TIE1: variants seen among roughly 807,000 people sequenced by gnomAD.
TIE1 encodes the protein tyrosine-protein kinase receptor Tie-1.
Under a neutral mutation model 130.5 loss-of-function variants are expected in TIE1, and 89 were observed. The ratio of observed to expected loss-of-function variants is 0.68; its 90% CI spans 0.57 to 0.81. The LOEUF (loss-of-function observed/expected upper bound fraction) is 0.81, where lower values mean the gene tolerates loss of function less well. TIE1 is among the 40% of genes least tolerant of loss of function. The pLI, the probability that TIE1 is intolerant of heterozygous loss-of-function variation, is 0.00. For synonymous variants in TIE1, 568 were observed against 629.4 expected (o/e 0.90, Z 1.46); for missense variants, 1,392 against 1,559.8 (o/e 0.89, Z 1.81).
chr1:43,304,539 C>T (rs1292239533), intron 1 of TIE1, among the ~76,000 whole-genome samples: 4 of 152,162 alleles, frequency 2.6e-5, no homozygotes, highest in Non-Finnish European at 4.4e-5. Context: ...GAAAGGGAAG[C>T]CATCTGGCAG....
Position 43,315,578 on chromosome 1 carries a change from C to T in TIE1, c.2409+1610C>T, listed in dbSNP as rs118090557. On this transcript the variant is annotated intron_variant, in intron 14 of 22. Coordinates refer to ENST00000372476, the MANE Select transcript of TIE1 (RefSeq NM_005424.5). This position sits in a 1 kb window ranked among gnomAD's most constrained non-coding sequence, Gnocchi z 4.4. Reference sequence around the variant, plus strand: ...CTGAGGCAGGAGAACTGCTTGAACCCGGATGGCAGAGGTTGCAGTGAGCCA... The same window carrying T: ...CTGAGGCAGGAGAACTGCTTGAACCTGGATGGCAGAGGTTGCAGTGAGCCA... Among the ~76,000 whole-genome samples the T allele has an allele frequency of 1.1e-3, 162 of 152,096 alleles. No individual in the cohort carries two copies. The East Asian group carries it at 0.024, about 23-fold the overall frequency.
Position 43,314,053 on chromosome 1 carries a change from T to TTGTGTG in TIE1, c.2409+103_2409+108dup, listed in dbSNP as rs138876276. The TTGTGTG allele has an allele frequency of 4.0e-4, 494 of 1,243,626 alleles. 1 individual carries two copies. The African/African-American group carries it at 6.2e-3, about 16-fold the overall frequency. 77.0% of individuals were successfully genotyped at this position (1,243,626 alleles called of 1,614,324 possible). A position where few individuals can be genotyped will look rare whatever the true frequency, so the allele number is the denominator to read the frequency against. Reference sequence around the variant, plus strand: ...GTGTACACACAATACCTTGTACACCTTGTGTGTGTGTGTGTGTGTGTGTTT... The same window carrying TTGTGTG: ...GTGTACACACAATACCTTGTACACCTTGTGTGTGTGTGTGTGTGTGTGTGTGTGTTT... On this transcript the variant is annotated intron_variant, in intron 14 of 22. Transcript: ENST00000372476.
intron 9 of TIE1, among the ~76,000 whole-genome samples, chr1:43,310,701 C>T (rs754884398): frequency 2.6e-5 from 4 of 152,008 alleles, no homozygotes; most frequent in South Asian, 4.2e-4. Flanking sequence ...CTGTATGATT[C>T]GGAGGCCCAT....
intron 1 of TIE1, 44 bp downstream of exon 1, chr1:43,301,173 G>A: frequency 6.3e-7 from 1 of 1,592,552 alleles, no homozygotes; most frequent in Non-Finnish European, 8.6e-7. Context: ...AGGCCCCGAG[G>A]CCCTGATTTC....
In TIE1 at chr1:43,307,199, A is replaced by C; in HGVS notation, c.698A>C (p.His233Pro). ...ACCAAGGAGTGCCCAGGTTGCCTAC[A>C]TGGAGGTGTCTGCCACGACCATGAC... The part of the protein sequence containing the change: ...GCTKECPGCL[H>P]GGVCHDHDGE... Residue 233 changes from histidine to proline, a missense_variant, in exon 5 of 23, where the codon CAT becomes CCT. Physicochemically the swap from His to Pro is moderately conservative, Grantham distance 77. Transcript: ENST00000372476. The surrounding 1 kb of genome is among the most constrained non-coding windows in gnomAD (Gnocchi z 5.4). 6.2e-7 allele frequency: 1 copy of C among 1,614,112 alleles called. No homozygotes were observed. The highest frequency in any genetic ancestry group is 8.5e-7 in the Non-Finnish European group (1 of 1,179,990).
chr1:43,305,193 C>A (rs775290031), intron 2 of TIE1, 28 bp downstream of exon 2: 1 of 1,613,768 alleles, frequency 6.2e-7, no homozygotes, highest in South Asian at 1.1e-5. Context: ...GGGGATGGCG[C>A]GGGGAAAACC....
chr1:43,321,741 G>C (rs371809864), intron 22 of TIE1, 26 bp downstream of exon 22: 2 of 1,549,126 alleles, frequency 1.3e-6, no homozygotes, highest in South Asian at 1.2e-5. Context: ...CTGAGGTGGC[G>C]GGCTGGGCTC....
At position 43,305,147 on chromosome 1, in the gene TIE1, G is replaced by A. The variant is rs781750183; in HGVS notation, c.355G>A (p.Val119Met). Residue 119 changes from valine (V) to methionine (M), a missense_variant, in exon 2 of 23, where the codon GTG becomes ATG. Physicochemically the swap from Val to Met is conservative, Grantham distance 21. Coordinates refer to ENST00000372476, the MANE Select transcript of TIE1 (RefSeq NM_005424.5). Reference sequence around the variant, plus strand: ...GGCGCGGCGCACGCGCGTCATCTACGTGCACAACAGCCCTGGAGGTGAGTT... The same window carrying A: ...GGCGCGGCGCACGCGCGTCATCTACATGCACAACAGCCCTGGAGGTGAGTT... Reference protein sequence around the residue: ...AGARRTRVIYVHNSPGAHLLP... With the variant: ...AGARRTRVIYMHNSPGAHLLP... 3 of 1,613,984 alleles carry A rather than the reference G, an allele frequency of 1.9e-6. No individual in the cohort carries two copies. Among genetic ancestry groups the A allele is most frequent in the South Asian group, 1.1e-5 (1 of 91,072 alleles).
At chr1:43,310,754 G>A (rs951720281) in intron 9 of TIE1, among the ~76,000 whole-genome samples, 2 of 152,128 alleles carry the variant, frequency 1.3e-5, no homozygotes, top group Admixed American at 1.3e-4. Flanking sequence ...CCCTGCGTGA[G>A]CCAAAGGCAC....
In TIE1 at chr1:43,304,919, TGCGTGTCTGGGGAGGCCGGG is replaced by T; in HGVS notation, c.131_150del (p.Val44GlyfsTer90). Reference sequence around the variant, plus strand: ...GGACCCCCAGCGCTTCTTCCTGACTTGCGTGTCTGGGGAGGCCGGGGCGGGGAGGGGCTCGGACGCCTGGG... The same window carrying T: ...GGACCCCCAGCGCTTCTTCCTGACTTGCGGGGAGGGGCTCGGACGCCTGGG... On this transcript the variant is annotated frameshift_variant, in exon 2 of 23. Transcript: ENST00000372476. LOFTEE classifies it high-confidence loss of function. 1 of 1,439,540 alleles carries T rather than the reference TGCGTGTCTGGGGAGGCCGGG, an allele frequency of 6.9e-7. No homozygotes were observed. The highest frequency in any genetic ancestry group is 9.1e-7 in the Non-Finnish European group (1 of 1,101,824). The allele number at this position is 1,439,540 out of a possible 1,614,324, so 89.2% of individuals were successfully genotyped here. A position where few individuals can be genotyped will look rare whatever the true frequency, so the allele number is the denominator to read the frequency against.
chr1:43,312,017 T>C lies in TIE1; in HGVS notation c.1516T>C (p.Leu506=). 1.3e-6 allele frequency: 2 copies of C among 1,599,730 alleles called. No individual in the cohort carries two copies. Among genetic ancestry groups the C allele is most frequent in the Non-Finnish European group, 1.7e-6 (2 of 1,170,502 alleles). Residue 506 remains leucine (L), a synonymous_variant, in exon 11 of 23, where the codon TTA becomes CTA. Coordinates refer to ENST00000372476, the MANE Select transcript of TIE1 (RefSeq NM_005424.5). The surrounding 1 kb of genome is among the most constrained non-coding windows in gnomAD (Gnocchi z 5.6). ...AGTGGACCCCAGTGAGAACGTGACG[T>C]TAATGAACCTGAGGCCAAAGACAGG... ...IVVDPSENVT[L]MNLRPKTGYS...
In TIE1 at chr1:43,316,390, C is replaced by T. The variant is rs968266712; in HGVS notation, c.2410-809C>T. 6.6e-6 allele frequency among the ~76,000 whole-genome samples: 1 copy of T among 152,236 alleles called. No individual in the cohort carries two copies. The highest frequency in any genetic ancestry group is 6.5e-5 in the Admixed American group (1 of 15,290). ...GCCCATCAAGCTGGACTTCAGTGCA[C>T]TTAGGAAGCCCCACCAGAAGGTCTG... On this transcript the variant is annotated intron_variant, in intron 14 of 22. Coordinates refer to ENST00000372476, the MANE Select transcript of TIE1 (RefSeq NM_005424.5). This position sits in a 1 kb window ranked among gnomAD's most constrained non-coding sequence, Gnocchi z 4.4.
Position 43,317,396 on chromosome 1 carries a change from C to G in TIE1, c.2607C>G (p.Ile869Met). The G allele has an allele frequency of 6.2e-7, 1 of 1,614,112 alleles. No homozygotes were observed. Among genetic ancestry groups the G allele is most frequent in the Non-Finnish European group, 8.5e-7 (1 of 1,180,040 alleles). Reference protein sequence around the residue: ...KKDGLKMNAAIKMLKEYASEN... With the variant: ...KKDGLKMNAAMKMLKEYASEN... ...ACGGGCTGAAGATGAACGCAGCCAT[C>G]AAAATGCTGAAAGGTCCACTGGGGC... The change falls in exon 15 of 23, where the codon ATC (isoleucine) becomes ATG (methionine). Residue 869 changes from isoleucine (I) to methionine (M), a missense_variant. Physicochemically the swap from Ile to Met is conservative, Grantham distance 10. Transcript: ENST00000372476. The surrounding 1 kb of genome is among the most constrained non-coding windows in gnomAD (Gnocchi z 5.1).
Position 43,319,328 on chromosome 1 carries a change from G to T in TIE1, c.3016G>T (p.Val1006Phe). 2 of 1,614,012 alleles carry T rather than the reference G, an allele frequency of 1.2e-6. No individual in the cohort carries two copies. Among genetic ancestry groups the T allele is most frequent in the Non-Finnish European group, 1.7e-6 (2 of 1,179,962 alleles). ...CTTCGGCCTTTCTCGGGGAGAGGAG[G>T]TTTATGTGAAGAAGACGATGGTGAG... ...ADFGLSRGEE[V>F]YVKKTMGRLP... Residue 1006 changes from valine to phenylalanine, a missense_variant, in exon 18 of 23, where the codon GTT (valine) becomes TTT (phenylalanine). Val to Phe is a conservative substitution (Grantham distance 50). Around this residue, in one of 6 missense-constraint regions of TIE1, gnomAD observed 286 missense variants for 354.4 expected, o/e 0.81. Transcript: ENST00000372476. The surrounding 1 kb of genome is among the most constrained non-coding windows in gnomAD (Gnocchi z 4.7).
In TIE1 at chr1:43,319,756, G is replaced by A. The variant is rs541913844; in HGVS notation, c.3107+227G>A. The A allele has an allele frequency of 1.1e-4, 65 of 570,512 alleles. No individual in the cohort carries two copies. The highest frequency in any genetic ancestry group is 7.9e-4 in the African/African-American group (42 of 53,286). 35.3% of individuals were successfully genotyped at this position (570,512 alleles called of 1,614,324 possible). ...ATAGGACTGGGGTAAAGGTAGTTTC[G>A]GATTATGTTTGTGTAAGTGACGGGG... On this transcript the variant is annotated intron_variant, in intron 19 of 22. Transcript: ENST00000372476. The surrounding 1 kb of genome is among the most constrained non-coding windows in gnomAD (Gnocchi z 4.7).
intron 1 of TIE1, among the ~76,000 whole-genome samples, chr1:43,304,402 A>G (rs1404306188): frequency 6.6e-6 from 1 of 152,212 alleles, no homozygotes; most frequent in Non-Finnish European, 1.5e-5. Context: ...TGGTGGAGGC[A>G]GGGAGAAGTG....
chr1:43,304,744 C>CCCT, intron 1 of TIE1, 107 bp from the exon 2 acceptor site: 1 of 1,234,556 alleles, frequency 8.1e-7, no homozygotes, highest in Non-Finnish European at 1.0e-6. Flanking sequence ...TGGAGACCCT[C>CCCT]TTCTGAGTGG....
At chr1:43,303,079 G>A (rs1479569005) in intron 1 of TIE1, among the ~76,000 whole-genome samples, 1 of 152,138 alleles carries the variant, frequency 6.6e-6, no homozygotes, top group Non-Finnish European at 1.5e-5. Flanking sequence ...CAGGATAGCT[G>A]GGATGGTAAA....
Position 43,313,596 on chromosome 1 carries a change from C to G in TIE1, c.2218+171C>G. On this transcript the variant is annotated intron_variant, in intron 13 of 22. Coordinates refer to ENST00000372476, the MANE Select transcript of TIE1 (RefSeq NM_005424.5). This position sits in a 1 kb window ranked among gnomAD's most constrained non-coding sequence, Gnocchi z 6.2. ...CTTCCATTCTCATGATCCACTGTCC[C>G]AGGGCTGGGAAAATCATGTCGCCCC... The G allele has an allele frequency of 1.8e-6, 2 of 1,085,624 alleles. No individual in the cohort carries two copies. The highest frequency in any genetic ancestry group is 2.6e-6 in the Non-Finnish European group (2 of 771,994). 67.2% of individuals were successfully genotyped at this position (1,085,624 alleles called of 1,614,324 possible). A position where few individuals can be genotyped will look rare whatever the true frequency, so the allele number is the denominator to read the frequency against.
Sources: allele counts gnomAD v4.1 joint callset (sites outside exome capture counted in the v4.1 genomes callset), GRCh38; gene constraint gnomAD v4.1.1; regional missense constraint gnomAD v4.1.1; non-coding constraint Gnocchi (gnomAD v3.1); transcripts MANE v1.5; gene names NCBI Gene and HGNC (gene_info 2026-07-23, HGNC 2026-07-21).